The following HID1 variants were observed in gnomAD, a reference collection of about 807,000 sequenced individuals.
HID1 encodes protein HID1.
A neutral mutation model predicts 89.7 loss-of-function variants in HID1; 42 were observed. The observed-to-expected ratio is 0.47, with a 90% CI of 0.37 to 0.61. HID1 has a LOEUF of 0.61. HID1 is among the 20% of genes least tolerant of loss of function. HID1 has a pLI of 0.00. For synonymous variants in HID1, 442 were observed against 433.8 expected (o/e 1.02, Z -0.24); for missense variants, 854 against 1,039.3 (o/e 0.82, Z 2.45).
At chr17:74,969,165 AGCCC>A (rs35432821) in intron 1 of HID1, among the ~76,000 whole-genome samples, 143,507 of 151,916 alleles carry the variant, frequency 0.94, 67,808 homozygotes, top group East Asian at 1. Flanking sequence ...GCCTCCACCC[AGCCC>A]GCCCAAGGAA....
At chr17:74,951,749 T>A in intron 18 of HID1, 116 bp from the exon 19 acceptor site, 2 of 1,354,478 alleles carry the variant, frequency 1.5e-6, no homozygotes, top group African/African-American at 2.9e-5. Context: ...TGTCCCACCC[T>A]GGGCAGCGGG....
In HID1 at chr17:74,962,252, T is replaced by C; in HGVS notation, c.593A>G (p.Tyr198Cys). ...AGCTCACCGGTTCATATCGTGGATGTAGTTAGGCTGGGGGGAGTGAGCGAA... is the reference window on the plus strand; with the variant it reads ...AGCTCACCGGTTCATATCGTGGATGCAGTTAGGCTGGGGGGAGTGAGCGAA... ...VGFAHSPQPN[Y>C]IHDMNRMELL... The change falls in exon 5 of 19, where the codon TAC becomes TGC. Residue 198 changes from tyrosine to cysteine, a missense_variant. Coordinates refer to ENST00000425042, the MANE Select transcript of HID1 (RefSeq NM_030630.3). The surrounding 1 kb of genome is among the most constrained non-coding windows in gnomAD (Gnocchi z 4.3). The C allele has an allele frequency of 2.5e-6, 4 of 1,609,546 alleles. No homozygotes were observed. The highest frequency in any genetic ancestry group is 3.4e-6 in the Non-Finnish European group (4 of 1,176,546).
intron 6 of HID1, among the ~76,000 whole-genome samples, chr17:74,961,040 CGG>C (rs1379660893): frequency 6.6e-6 from 1 of 151,940 alleles, no homozygotes; most frequent in East Asian, 1.9e-4. Context: ...CTCCCCGACC[CGG>C]TCTCTAAGCT....
Position 74,952,266 on chromosome 17 carries a change from C to T in HID1, c.2144+3G>A. The T allele has an allele frequency of 6.2e-7, 1 of 1,612,666 alleles. No homozygotes were observed. The highest frequency in any genetic ancestry group is 8.5e-7 in the Non-Finnish European group (1 of 1,179,164). ...CCCCCGGCCCTGCCGGCGCCCGACT[C>T]ACTTGTCAATGCAGATCTTCTCCAC... On this transcript the variant is annotated splice_donor_region_variant and intron_variant, in intron 17 of 18. Transcript: ENST00000425042.
intron 6 of HID1, among the ~76,000 whole-genome samples, chr17:74,961,273 AT>A (rs558094471): frequency 0.024 from 3,525 of 148,372 alleles, 134 homozygotes; most frequent in African/African-American, 0.08. Context: ...GTATTTATTT[AT>A]TTTTTTTTTT....
At position 74,953,084 on chromosome 17, in the gene HID1, C is replaced by T. The variant is rs1206866245; in HGVS notation, c.1974G>A (p.Glu658=). The part of the protein sequence containing the change: ...SLEDGSPAKG[E]PSQAWREQRR... ...GCTGCTCCCTCCATGCCTGGCTGGG[C>T]TCCTGGCCCCCAGAAAGGAACAGGG... Residue 658 remains glutamate (E), a splice_region_variant and synonymous_variant, in exon 16 of 19, where the codon GAG becomes GAA. Transcript: ENST00000425042. 1.2e-6 allele frequency: 2 copies of T among 1,603,746 alleles called. No homozygotes were observed. Among genetic ancestry groups the T allele is most frequent in the Non-Finnish European group, 1.7e-6 (2 of 1,176,292 alleles).
chr17:74,961,823 T>C, intron 6 of HID1, 50 bp downstream of exon 6: 1 of 1,185,824 alleles, frequency 8.4e-7, no homozygotes, highest in Non-Finnish European at 1.2e-6. Context: ...CAGCTCTGGA[T>C]TGCCTGGAAT....
chr17:74,958,758 G>A lies in HID1; in HGVS notation c.1155C>T (p.Phe385=). The change falls in exon 10 of 19, where the codon TTC becomes TTT. Residue 385 remains phenylalanine (F), a synonymous_variant. Transcript: ENST00000425042. The surrounding 1 kb of genome is among the most constrained non-coding windows in gnomAD (Gnocchi z 5.2). ...FWKLCDFNKK[F]LFFVLKSSDV... The stretch of plus-strand genomic sequence containing the variant: ...CGCTGCTCTTCAGCACGAAGAAGAG[G>A]AATTTCTAGGGGTGCGGGGAGGGGC... 1.2e-6 allele frequency: 2 copies of A among 1,613,598 alleles called. No individual in the cohort carries two copies. Among genetic ancestry groups the A allele is most frequent in the Non-Finnish European group, 8.5e-7 (1 of 1,179,844 alleles).
intron 14 of HID1, 31 bp downstream of exon 14, chr17:74,954,107 C>T (rs2039349739): frequency 2.6e-6 from 4 of 1,552,852 alleles, no homozygotes; most frequent in Non-Finnish European, 3.5e-6. Context: ...CACCAGTATC[C>T]ACACTCCTGT....
At chr17:74,955,444 C>T (rs1309633517) in intron 13 of HID1, among the ~76,000 whole-genome samples, 5 of 151,786 alleles carry the variant, frequency 3.3e-5, no homozygotes, top group East Asian at 1.9e-4. Flanking sequence ...GAGGTTGCAG[C>T]GAGCCAAGAT....
In HID1 at chr17:74,962,675, A is replaced by G. The variant is rs1279681436; in HGVS notation, c.504+290T>C. On this transcript the variant is annotated intron_variant, in intron 4 of 18. Coordinates refer to ENST00000425042, the MANE Select transcript of HID1 (RefSeq NM_030630.3). This position sits in a 1 kb window ranked among gnomAD's most constrained non-coding sequence, Gnocchi z 4.3. The stretch of plus-strand genomic sequence containing the variant: ...GACTCAAGGTGAAGTCCATGCCACC[A>G]CAGGAAGCAAGAGGGCCAGCCCTCC... Among the ~76,000 whole-genome samples the G allele has an allele frequency of 6.6e-6, 1 of 152,120 alleles. No individual in the cohort carries two copies. Among genetic ancestry groups the G allele is most frequent in the Non-Finnish European group, 1.5e-5 (1 of 67,992 alleles).
In HID1 at chr17:74,968,087, T is replaced by C. The variant is rs761082118; in HGVS notation, c.67-3455A>G. Among the ~76,000 whole-genome samples, 65 of 152,208 alleles carry C rather than the reference T, an allele frequency of 4.3e-4. 1 individual carries two copies. The highest frequency in any genetic ancestry group is 1.5e-3 in the South Asian group (7 of 4,822). ...GCCACTGTACTCCAGCGTGCATGACTGAGTGAGACCCTGTCTCTAAATATT... is the reference window on the plus strand; with the variant it reads ...GCCACTGTACTCCAGCGTGCATGACCGAGTGAGACCCTGTCTCTAAATATT... On this transcript the variant is annotated intron_variant, in intron 1 of 18. Transcript: ENST00000425042.
chr17:74,966,373 T>C (rs2039563911), intron 1 of HID1, among the ~76,000 whole-genome samples: 1 of 151,314 alleles, frequency 6.6e-6, no homozygotes, highest in Non-Finnish European at 1.5e-5. Flanking sequence ...TATTTTTCTT[T>C]ATGTTTTTCT....
rs143979872 is a variant in HID1, at chr17:74,954,145, A to C, written c.1857T>G (p.Ala619=). 5.6e-6 allele frequency: 9 copies of C among 1,596,838 alleles called. No homozygotes were observed. The highest frequency in any genetic ancestry group is 7.7e-6 in the Non-Finnish European group (9 of 1,172,818). The change falls in exon 14 of 19, where the codon GCT becomes GCG. Residue 619 remains alanine, a synonymous_variant. Transcript: ENST00000425042. ...EPGTLKTSLV[A]TPGIDKLTEK... ...CATCCACTAGCACCAGACCTGGAGT[A>C]GCCACCAGACTGGTCTTGAGGGTGC... is the stretch of plus-strand genomic sequence containing the variant.
rs1008482682 is a variant in HID1 at position 74,962,836 on chromosome 17, A to C, written c.504+129T>G. 2 of 680,960 alleles carry C rather than the reference A, an allele frequency of 2.9e-6. No individual in the cohort carries two copies. The highest frequency in any genetic ancestry group is 5.1e-6 in the Non-Finnish European group (2 of 390,668). The allele number at this position is 680,960 out of a possible 1,614,324, so 42.2% of individuals were successfully genotyped here. A position where few individuals can be genotyped will look rare whatever the true frequency, so the allele number is the denominator to read the frequency against. ...GCTGCCACCCAGGCCTACATGTGCC[A>C]GGCAGCTCAGCTCTCCTGGAGCCCC... On this transcript the variant is annotated intron_variant, in intron 4 of 18. Transcript: ENST00000425042. This position sits in a 1 kb window ranked among gnomAD's most constrained non-coding sequence, Gnocchi z 4.3.
In HID1 at chr17:74,952,258, G is replaced by GCCCGA. The variant is rs546839208; in HGVS notation, c.2144+6_2144+10dup. The GCCCGA allele has an allele frequency of 2.3e-4, 368 of 1,609,460 alleles. 4 individuals are homozygous for GCCCGA. In the East Asian group the frequency reaches 6.9e-3, roughly 30 times the overall value. On this transcript the variant is annotated intron_variant, in intron 17 of 18. Transcript: ENST00000425042. ...GCCCACAACCCCCGGCCCTGCCGGCGCCCGACTCACTTGTCAATGCAGATC... is the reference window on the plus strand; with the variant it reads ...GCCCACAACCCCCGGCCCTGCCGGCGCCCGACCCGACTCACTTGTCAATGCAGATC...
chr17:74,960,403 G>C (rs958487435), intron 6 of HID1, among the ~76,000 whole-genome samples, 155 bp from the exon 7 acceptor site: 1 of 152,160 alleles, frequency 6.6e-6, no homozygotes, highest in African/African-American at 2.4e-5. Context: ...GGGAAGCCCA[G>C]AGCCATGATT....
intron 12 of HID1, among the ~76,000 whole-genome samples, chr17:74,956,947 C>T (rs973121112): frequency 6.6e-6 from 1 of 152,334 alleles, no homozygotes; most frequent in East Asian, 1.9e-4. Flanking sequence ...AATGTCCAAA[C>T]CTGCACTGCC....
Position 74,958,286 on chromosome 17 carries a change from A to G in HID1, c.1392+41T>C, listed in dbSNP as rs2144808798. 6.2e-7 allele frequency: 1 copy of G among 1,610,014 alleles called. No individual in the cohort carries two copies. The highest frequency in any genetic ancestry group is 8.5e-7 in the Non-Finnish European group (1 of 1,178,306). On this transcript the variant is annotated intron_variant, in intron 11 of 18. Coordinates refer to ENST00000425042, the MANE Select transcript of HID1 (RefSeq NM_030630.3). This position sits in a 1 kb window ranked among gnomAD's most constrained non-coding sequence, Gnocchi z 5.2. ...CTCCAGACTCAGCCAAGAGGACACC[A>G]CCCCTGCACCTCCTGGGCCCGGCCG...
Sources: allele counts gnomAD v4.1 joint callset (sites outside exome capture counted in the v4.1 genomes callset), GRCh38; gene constraint gnomAD v4.1.1; non-coding constraint Gnocchi (gnomAD v3.1); transcripts MANE v1.5; gene names NCBI Gene and HGNC (gene_info 2026-07-23, HGNC 2026-07-21).